The following PKLR variants were observed in gnomAD, a reference collection of about 807,000 sequenced individuals.
PKLR encodes the protein pyruvate kinase PKLR.
PKLR carries 38 observed loss-of-function variants against 53.6 expected under a neutral mutation model. That is an observed-to-expected ratio of 0.71 (90% confidence interval 0.55 to 0.93). The LOEUF (loss-of-function observed/expected upper bound fraction) is 0.93. Among genes scored for constraint, PKLR ranks in the 40% least tolerant of loss-of-function variants. PKLR has a pLI of 0.00. For missense variants in PKLR, 702 were observed against 787.3 expected (o/e 0.89, Z 1.30); for synonymous variants, 328 against 316.2 (o/e 1.04, Z -0.39).
At position 155,294,606 on chromosome 1, in the gene PKLR, C is replaced by T. The variant is rs1647439571; in HGVS notation, c.841G>A (p.Asp281Asn). ...DLRFGVEHGV[D>N]IVFASFVRKA... ...CGCACAAAGGAGGCAAAGACGATGTCCACCCCATGCTCCACCCCGAAGCGC... is the reference window on the plus strand; with the variant it reads ...CGCACAAAGGAGGCAAAGACGATGTTCACCCCATGCTCCACCCCGAAGCGC... The change falls in exon 6 of 11, where the codon GAC becomes AAC. Residue 281 changes from aspartate to asparagine, a missense_variant. Asp to Asn is a conservative substitution (Grantham distance 23). This residue lies in a region of PKLR where 519 missense variants were observed against 537.1 expected (regional missense o/e 0.97). Coordinates refer to ENST00000342741, the MANE Select transcript of PKLR (RefSeq NM_000298.6). The T allele has an allele frequency of 6.2e-7, 1 of 1,614,224 alleles. No individual in the cohort carries two copies. The highest frequency in any genetic ancestry group is 8.5e-7 in the Non-Finnish European group (1 of 1,180,042).
chr1:155,301,482 G>A, upstream of PKLR: 2 of 1,594,702 alleles, frequency 1.3e-6, no homozygotes, highest in Non-Finnish European at 1.7e-6. Context: ...GGGAGACAGA[G>A]AAGAGAAAAG....
At chr1:155,307,789 C>G in the PKLR span, among the ~76,000 whole-genome samples, 1 of 152,168 alleles carries the variant, frequency 6.6e-6, no homozygotes, top group African/African-American at 2.4e-5. Context: ...CCAGGCTGGC[C>G]AATCTGGAGA....
In PKLR at chr1:155,290,443, G is replaced by C; in HGVS notation, c.*129C>G. 2.9e-6 allele frequency: 2 copies of C among 685,938 alleles called. No homozygotes were observed. The highest frequency in any genetic ancestry group is 5.3e-6 in the Non-Finnish European group (2 of 374,632). The allele number at this position is 685,938 out of a possible 1,614,324, so 42.5% of individuals were successfully genotyped here. ...TATAGTCTCAGATAGGCCTCAGGTA[G>C]GGAGGGTCAGGAATAGAGAAGAGAG... is the stretch of plus-strand genomic sequence containing the variant. On this transcript the variant is annotated 3_prime_UTR_variant, in exon 11 of 11. Transcript: ENST00000342741.
the PKLR span, among the ~76,000 whole-genome samples, chr1:155,307,302 T>G: frequency 6.6e-6 from 1 of 152,210 alleles, no homozygotes; most frequent in Non-Finnish European, 1.5e-5. Flanking sequence ...TCATACAGTA[T>G]CTGTCCTTTT....
At chr1:155,290,793 A>ACCTGTAAAATGAGTGTAAGAAT (rs1674497815) in intron 10 of PKLR, 115 bp from the exon 11 acceptor site, 1 of 705,854 alleles carries the variant, frequency 1.4e-6, no homozygotes, top group African/African-American at 1.8e-5. Flanking sequence ...GTTTGAGACC[A>ACCTGTAAAATGAGTGTAAGAAT]GCCTGGCCAA....
chr1:155,302,237 CTTTT>C (rs35615990), upstream of PKLR, among the ~76,000 whole-genome samples: 2 of 118,952 alleles, frequency 1.7e-5, no homozygotes, highest in African/African-American at 3.4e-5. Flanking sequence ...CTTTTCTTTT[CTTTT>C]TTTTTTTTTT....
chr1:155,290,461 GAA>G lies in PKLR; in HGVS notation c.*109_*110del. On this transcript the variant is annotated 3_prime_UTR_variant, in exon 11 of 11. Coordinates refer to ENST00000342741, the MANE Select transcript of PKLR (RefSeq NM_000298.6). Reference sequence around the variant, plus strand: ...TCAGGTAGGGAGGGTCAGGAATAGAGAAGAGAGGACTTAAAGGTGGGGCTTTG... The same window carrying G: ...TCAGGTAGGGAGGGTCAGGAATAGAGGAGAGGACTTAAAGGTGGGGCTTTG... 1 of 717,356 alleles carries G rather than the reference GAA, an allele frequency of 1.4e-6. No individual in the cohort carries two copies. The highest frequency in any genetic ancestry group is 1.7e-5 in the African/African-American group (1 of 57,452). The allele number at this position is 717,356 out of a possible 1,614,324, so 44.4% of individuals were successfully genotyped here.
chr1:155,292,241 G>GAAAAAAAAAAAAAA (rs57484820), intron 9 of PKLR, among the ~76,000 whole-genome samples: 1 of 138,062 alleles, frequency 7.2e-6, no homozygotes, highest in African/African-American at 2.8e-5. Context: ...TCTGCATTAA[G>GAAAAAAAAAAAAAA]AAAAAAAAAA....
At chr1:155,302,455 T>C (rs575772299), upstream of PKLR, among the ~76,000 whole-genome samples, 1 of 152,080 alleles carries the variant, frequency 6.6e-6, no homozygotes, top group South Asian at 2.1e-4. Context: ...CAGGCTGGTC[T>C]CGAACTCCTG....
In PKLR at chr1:155,294,599, A is replaced by C; in HGVS notation, c.848T>G (p.Val283Gly). Reference protein sequence around the residue: ...RFGVEHGVDIVFASFVRKASD... With the variant: ...RFGVEHGVDIGFASFVRKASD... Reference sequence around the variant, plus strand: ...GGCTTTCCGCACAAAGGAGGCAAAGACGATGTCCACCCCATGCTCCACCCC... The same window carrying C: ...GGCTTTCCGCACAAAGGAGGCAAAGCCGATGTCCACCCCATGCTCCACCCC... Residue 283 changes from valine (V) to glycine (G), a missense_variant, in exon 6 of 11, where the codon GTC becomes GGC. Val to Gly is a moderately radical substitution (Grantham distance 109, BLOSUM62 -3). Around this residue, in one of 2 missense-constraint regions of PKLR, gnomAD observed 519 missense variants for 537.1 expected, o/e 0.97. Coordinates refer to ENST00000342741, the MANE Select transcript of PKLR (RefSeq NM_000298.6). 6.2e-7 allele frequency: 1 copy of C among 1,614,212 alleles called. No homozygotes were observed. Among genetic ancestry groups the C allele is most frequent in the Non-Finnish European group, 8.5e-7 (1 of 1,180,034 alleles).
At position 155,301,317 on chromosome 1, in the gene PKLR, T is replaced by G; in HGVS notation, c.79A>C (p.Ile27Leu). ...TTACCTCCTGGAGCCCCAATCAGGA[T>G]GGACTTTGCTAAGTCTCTTTGGGAC... ...SKSQRDLAKS[I>L]LIGAPGGPAG... The change falls in exon 1 of 11, where the codon ATC becomes CTC. Residue 27 changes from isoleucine (I) to leucine (L), a missense_variant. Physicochemically the swap from Ile to Leu is conservative, Grantham distance 5. Around this residue, in one of 2 missense-constraint regions of PKLR, gnomAD observed 519 missense variants for 537.1 expected, o/e 0.97. Transcript: ENST00000342741. 2 of 1,614,072 alleles carry G rather than the reference T, an allele frequency of 1.2e-6. No homozygotes were observed. The highest frequency in any genetic ancestry group is 4.5e-5 in the East Asian group (2 of 44,866).
Position 155,295,347 on chromosome 1 carries a change from C to T in PKLR, c.508-45G>A. The T allele has an allele frequency of 6.2e-7, 1 of 1,613,030 alleles. No homozygotes were observed. The highest frequency in any genetic ancestry group is 8.5e-7 in the Non-Finnish European group (1 of 1,179,510). On this transcript the variant is annotated intron_variant, in intron 4 of 10. Transcript: ENST00000342741. This position sits in a 1 kb window ranked among gnomAD's most constrained non-coding sequence, Gnocchi z 4.3. ...AGATGTGAGTTCTGAGCCCCGGAGT[C>T]CGGGACCCGCCCCTGCCCACGCCTG...
chr1:155,291,199 T>G (rs1346017675), intron 10 of PKLR, among the ~76,000 whole-genome samples: 1 of 151,766 alleles, frequency 6.6e-6, no homozygotes, highest in Non-Finnish European at 1.5e-5. Flanking sequence ...CACTGCAGTA[T>G]ATTAAAGGTG....
chr1:155,308,326 C>T, the PKLR span, among the ~76,000 whole-genome samples: 1 of 152,010 alleles, frequency 6.6e-6, no homozygotes, highest in South Asian at 2.1e-4. Context: ...CTCGGCCTCC[C>T]AAAGTGCTGG....
chr1:155,294,488 A>G lies in PKLR; in HGVS notation c.959T>C (p.Val320Ala). The G allele has an allele frequency of 6.2e-7, 1 of 1,614,230 alleles. No individual in the cohort carries two copies. Among genetic ancestry groups the G allele is most frequent in the Non-Finnish European group, 8.5e-7 (1 of 1,180,036 alleles). ...AACAGAGCCCAAGCCTCACCTCTTCACGCCTTCGTGGTTCTCAATTTTGCT... is the reference window on the plus strand; with the variant it reads ...AACAGAGCCCAAGCCTCACCTCTTCGCGCCTTCGTGGTTCTCAATTTTGCT... ...IISKIENHEG[V>A]KRFDEILEVS... Residue 320 changes from valine to alanine, a missense_variant, in exon 6 of 11, where the codon GTG (valine) becomes GCG (alanine). By Grantham distance (64) the Val-to-Ala change is moderately conservative. Coordinates refer to ENST00000342741, the MANE Select transcript of PKLR (RefSeq NM_000298.6).
upstream of PKLR, chr1:155,301,446 A>T: frequency 6.2e-7 from 1 of 1,613,764 alleles, no homozygotes; most frequent in Non-Finnish European, 8.5e-7. Flanking sequence ...GAGGGAGAGG[A>T]TGACAAAACT....
chr1:155,303,025 T>C (rs967725363), upstream of PKLR, among the ~76,000 whole-genome samples: 6 of 152,158 alleles, frequency 3.9e-5, no homozygotes, highest in African/African-American at 1.2e-4. Context: ...AGTACTGGCT[T>C]CAAATTTCTT....
intron 1 of PKLR, chr1:155,300,949 A>G (rs1471494430): frequency 6.3e-7 from 1 of 1,588,928 alleles, no homozygotes; most frequent in Admixed American, 1.8e-5. Context: ...TTGGGTTGTC[A>G]GAGGCATGAG....
upstream of PKLR, among the ~76,000 whole-genome samples, chr1:155,304,054 G>C (rs1648164520): frequency 1.3e-5 from 2 of 152,162 alleles, 1 homozygote; most frequent in South Asian, 4.2e-4. Flanking sequence ...TAGGGGACCT[G>C]AGCAGGATCT....
Sources: gnomAD v4.1 joint callset for allele counts (sites outside exome capture counted in the v4.1 genomes callset) on GRCh38, gnomAD v4.1.1 for gene constraint, gnomAD v4.1.1 regional missense constraint, Gnocchi (gnomAD v3.1) non-coding constraint, MANE v1.5 for transcripts, NCBI Gene and HGNC (gene_info 2026-07-23, HGNC 2026-07-21) for gene names.